The following GRID2 variants were observed in gnomAD, a reference collection of about 807,000 sequenced individuals.
GRID2 encodes the protein glutamate ionotropic receptor delta type subunit 2.
Under a neutral mutation model 114.8 loss-of-function variants are expected in GRID2, and 33 were observed. That is an observed-to-expected ratio of 0.29 (90% confidence interval 0.22 to 0.38). The LOEUF (loss-of-function observed/expected upper bound fraction) is 0.38, where lower values mean the gene tolerates loss of function less well. GRID2 is among the 10% of genes least tolerant of loss of function. The pLI is 1.00. For synonymous variants in GRID2, 505 were observed against 449.9 expected (o/e 1.12, Z -1.55); for missense variants, 1,184 against 1,257.7 (o/e 0.94, Z 0.89).
At chr4:92,679,451 C>T (rs758011237) in intron 2 of GRID2, among the ~76,000 whole-genome samples, 15 of 152,022 alleles carry the variant, frequency 9.9e-5, no homozygotes, top group Non-Finnish European at 1.5e-4. Flanking sequence ...AATCTTCCAT[C>T]TTACTTTTCA....
intron 1 of GRID2, among the ~76,000 whole-genome samples, chr4:92,359,151 T>C (rs1204010594): frequency 6.6e-6 from 1 of 151,936 alleles, no homozygotes; most frequent in Non-Finnish European, 1.5e-5. Flanking sequence ...TGTTCTTTGT[T>C]CTTCTTTCAC....
At chr4:93,384,144 G>T (rs1163063538) in intron 8 of GRID2, among the ~76,000 whole-genome samples, 1 of 152,120 alleles carries the variant, frequency 6.6e-6, no homozygotes, top group Admixed American at 6.6e-5. Context: ...GGCCAAAGGG[G>T]AAGGCAACTT....
chr4:92,414,423 A>C (rs1372162836), intron 1 of GRID2, among the ~76,000 whole-genome samples: 1 of 152,202 alleles, frequency 6.6e-6, no homozygotes, highest in Admixed American at 6.5e-5. Context: ...TATTAATGCA[A>C]GTTTGGAGTT....
At chr4:92,432,960 G>A (rs1316851420) in intron 1 of GRID2, among the ~76,000 whole-genome samples, 1 of 152,112 alleles carries the variant, frequency 6.6e-6, no homozygotes, top group Non-Finnish European at 1.5e-5. Context: ...TATTCAGCTG[G>A]TGATGAATCC....
chr4:92,581,328 G>A (rs1462892350), intron 1 of GRID2, among the ~76,000 whole-genome samples: 3 of 151,588 alleles, frequency 2.0e-5, no homozygotes, highest in Non-Finnish European at 2.9e-5. Flanking sequence ...ATTCTGAGAG[G>A]ATTGATATTC....
intron 14 of GRID2, among the ~76,000 whole-genome samples, chr4:93,681,035 T>C (rs1490640592): frequency 2.1e-4 from 32 of 151,350 alleles, no homozygotes; most frequent in East Asian, 1.7e-3. Context: ...AAAACCCCAT[T>C]GTCTCAGCCC....
intron 13 of GRID2, among the ~76,000 whole-genome samples, chr4:93,552,300 C>A (rs1171032672): frequency 6.6e-6 from 1 of 152,010 alleles, no homozygotes; most frequent in Non-Finnish European, 1.5e-5. Context: ...TCGGGTTGGT[C>A]ACAAGTCTTT....
intron 2 of GRID2, among the ~76,000 whole-genome samples, chr4:93,005,304 C>G (rs1311838687): frequency 1.3e-5 from 2 of 152,050 alleles, no homozygotes; most frequent in Non-Finnish European, 2.9e-5. Context: ...CATATATTCT[C>G]ACTAACTCAC....
At chr4:93,721,887 T>G (rs1481136965) in intron 14 of GRID2, among the ~76,000 whole-genome samples, 1 of 151,298 alleles carries the variant, frequency 6.6e-6, no homozygotes, top group Non-Finnish European at 1.5e-5. Context: ...AAACTTGAAA[T>G]CAAGAAAAAG....
At chr4:92,417,601 A>G (rs1309522646) in intron 1 of GRID2, among the ~76,000 whole-genome samples, 1 of 152,166 alleles carries the variant, frequency 6.6e-6, no homozygotes, top group African/African-American at 2.4e-5. Context: ...ACTAAGCACT[A>G]TATATAATAG....
chr4:92,619,118 C>G (rs1034752137), intron 2 of GRID2, among the ~76,000 whole-genome samples: 6 of 151,458 alleles, frequency 4.0e-5, no homozygotes, highest in African/African-American at 1.2e-4. Flanking sequence ...AATGGTCAGC[C>G]AAGGATTATT....
chr4:92,811,409 T>A (rs1740657787), intron 2 of GRID2, among the ~76,000 whole-genome samples: 1 of 152,262 alleles, frequency 6.6e-6, no homozygotes, highest in East Asian at 1.9e-4. Context: ...CTTTACTGTT[T>A]CTTTTGTATT....
chr4:92,642,125 T>C (rs1296892791), intron 2 of GRID2, among the ~76,000 whole-genome samples: 1 of 151,730 alleles, frequency 6.6e-6, no homozygotes, highest in Non-Finnish European at 1.5e-5. Flanking sequence ...ATGTATCTTT[T>C]TGTATAAGGA....
chr4:93,802,236 A>G (rs988467914), intron 1 of GRID2, among the ~76,000 whole-genome samples: 1 of 152,252 alleles, frequency 6.6e-6, no homozygotes, highest in Non-Finnish European at 1.5e-5. Flanking sequence ...GGGGCCAGGC[A>G]AAGTGTTGAA....
intron 13 of GRID2, among the ~76,000 whole-genome samples, chr4:93,584,065 G>A (rs189598305): frequency 1.5e-4 from 23 of 152,212 alleles, no homozygotes; most frequent in Admixed American, 1.2e-3. Flanking sequence ...TCCGGTCTTA[G>A]ATCACAAATG....
chr4:93,693,740 A>G (rs1399746983), intron 14 of GRID2, among the ~76,000 whole-genome samples: 3 of 152,206 alleles, frequency 2.0e-5, no homozygotes, highest in Non-Finnish European at 4.4e-5. Context: ...CGAGGACCAC[A>G]GTAATTTCAT....
At chr4:93,743,656 C>A (rs1250305187) in intron 14 of GRID2, among the ~76,000 whole-genome samples, 1 of 152,038 alleles carries the variant, frequency 6.6e-6, no homozygotes, top group African/African-American at 2.4e-5. Flanking sequence ...TTTTTAATAA[C>A]CAGCTTTTGT....
In GRID2 at chr4:93,560,706, C is replaced by T. The variant is rs1380092151; in HGVS notation, c.2193+45295C>T. On this transcript the variant is annotated intron_variant, in intron 13 of 15. Coordinates refer to ENST00000282020, the MANE Select transcript of GRID2 (RefSeq NM_001510.4). ...GGTTTCCCAGGCTGGTCTCAGATTC[C>T]TGGCCTCAAGCAGTCCTCCCAACTT... Among the ~76,000 whole-genome samples, 10 of 152,168 alleles carry T rather than the reference C, an allele frequency of 6.6e-5. No individual in the cohort carries two copies. In the East Asian group the frequency reaches 1.9e-3, roughly 29 times the overall value.
At chr4:93,508,142 A>G (rs1016672078) in intron 12 of GRID2, among the ~76,000 whole-genome samples, 1 of 151,990 alleles carries the variant, frequency 6.6e-6, no homozygotes, top group Non-Finnish European at 1.5e-5. Context: ...ATGTACCCTA[A>G]AACTTAAAGT....
Sources: gnomAD v4.1 joint callset for allele counts (sites outside exome capture counted in the v4.1 genomes callset) on GRCh38, gnomAD v4.1.1 for gene constraint, MANE v1.5 for transcripts, NCBI Gene and HGNC (gene_info 2026-07-23, HGNC 2026-07-21) for gene names.